The following BSPRY variants were observed in gnomAD, a reference collection of about 807,000 sequenced individuals.
BSPRY encodes the protein B-box and SPRY domain containing.
In BSPRY, 33 loss-of-function variants were observed where a neutral mutation model predicts 38.0. The observed-to-expected ratio is 0.87, with a 90% confidence interval of 0.66 to 1.16. The LOEUF (loss-of-function observed/expected upper bound fraction) is 1.16. Among genes scored for constraint, BSPRY ranks in the 50% most tolerant of loss-of-function variants. The pLI is 0.00. For missense variants in BSPRY, 523 were observed against 533.2 expected (o/e 0.98, Z 0.19); for synonymous variants, 224 against 228.5 (o/e 0.98, Z 0.18).
chr9:113,356,347 A>G lies in BSPRY; in HGVS notation c.300+2009A>G, dbSNP rs1051573831. Among the ~76,000 whole-genome samples the G allele has an allele frequency of 1.5e-4, 23 of 152,248 alleles. No individual in the cohort carries two copies. The East Asian group carries it at 2.3e-3, about 15-fold the overall frequency. On this transcript the variant is annotated intron_variant, in intron 2 of 5. Coordinates refer to ENST00000374183, the MANE Select transcript of BSPRY (RefSeq NM_017688.3). ...GTGAAACCCCGTCTCTACTAAAAAT[A>G]CAAAAAAATTAGCAGGGCATGGTGG... is the stretch of plus-strand genomic sequence containing the variant.
Position 113,354,355 on chromosome 9 carries a change from C to T in BSPRY, c.300+17C>T. 1 of 1,603,166 alleles carries T rather than the reference C, an allele frequency of 6.2e-7. No individual in the cohort carries two copies. The highest frequency in any genetic ancestry group is 1.1e-5 in the South Asian group (1 of 90,820). On this transcript the variant is annotated intron_variant, in intron 2 of 5. Transcript: ENST00000374183. Reference sequence around the variant, plus strand: ...AGAGCAGTGGTAATTCCTCTTCTTTCCTCTCTACTCAGCCCCCTCCCAGGA... The same window carrying T: ...AGAGCAGTGGTAATTCCTCTTCTTTTCTCTCTACTCAGCCCCCTCCCAGGA...
chr9:113,356,170 C>T (rs904255051), intron 2 of BSPRY, among the ~76,000 whole-genome samples: 29 of 152,152 alleles, frequency 1.9e-4, no homozygotes, highest in African/African-American at 5.8e-4. Context: ...GGGAATAGGA[C>T]GGGTTGCAAT....
intron 2 of BSPRY, among the ~76,000 whole-genome samples, chr9:113,358,801 A>G (rs1834103892): frequency 6.6e-6 from 1 of 152,184 alleles, no homozygotes; most frequent in African/African-American, 2.4e-5. Context: ...TTGATCCAGG[A>G]TCACACAGTA....
chr9:113,360,575 C>T lies in BSPRY; in HGVS notation c.369C>T (p.Ser123=), dbSNP rs142413897. The T allele has an allele frequency of 2.0e-5, 32 of 1,608,374 alleles. No individual in the cohort carries two copies. In the South Asian group the frequency reaches 2.9e-4, roughly 15 times the overall value. Residue 123 remains serine (S), a synonymous_variant, in exon 3 of 6, where the codon AGC becomes AGT. Coordinates refer to ENST00000374183, the MANE Select transcript of BSPRY (RefSeq NM_017688.3). ...GTCTGGTGAGGAGTCTTTGCGAGAGCGAGGAGCAGCGGTTACTGGAACAGG... is the reference window on the plus strand; with the variant it reads ...GTCTGGTGAGGAGTCTTTGCGAGAGTGAGGAGCAGCGGTTACTGGAACAGG... ...RLSLVRSLCE[S]EEQRLLEQVH...
At chr9:113,368,774 T>C (rs1564346213) in intron 5 of BSPRY, among the ~76,000 whole-genome samples, 1 of 152,198 alleles carries the variant, frequency 6.6e-6, no homozygotes. Flanking sequence ...GCCTCACTTA[T>C]TCACTTTACA....
rs769168556 is a variant in BSPRY, at chr9:113,354,283, C to T, written c.245C>T (p.Ala82Val). 1.9e-5 allele frequency: 31 copies of T among 1,614,150 alleles called. No individual in the cohort carries two copies. The highest frequency in any genetic ancestry group is 1.7e-4 in the Admixed American group (10 of 60,014). ...TGTGAGAGGCTGCAGTTACAGAGTG[C>T]TGCCATCACCAAGTATGTGGCGGAC... ...DQCERLQLQS[A>V]AITKYVADVL... Residue 82 changes from alanine (A) to valine (V), a missense_variant, in exon 2 of 6, where the codon GCT becomes GTT. Physicochemically the swap from Ala to Val is moderately conservative, Grantham distance 64. Coordinates refer to ENST00000374183, the MANE Select transcript of BSPRY (RefSeq NM_017688.3).
At position 113,368,372 on chromosome 9, in the gene BSPRY, G is replaced by A. The variant is rs1375217807; in HGVS notation, c.671G>A (p.Gly224Glu). 1 of 1,614,062 alleles carries A rather than the reference G, an allele frequency of 6.2e-7. No individual in the cohort carries two copies. The change falls in exon 5 of 6, where the codon GGG (glycine) becomes GAG (glutamate). Residue 224 changes from glycine (G) to glutamate (E), a missense_variant. Physicochemically the swap from Gly to Glu is moderately conservative, Grantham distance 98. Coordinates refer to ENST00000374183, the MANE Select transcript of BSPRY (RefSeq NM_017688.3). Reference sequence around the variant, plus strand: ...CAACTCTGGGCAACGGCGGTTCTTGGGTCTCTCTCAGGTTAGGAGCAGTAG... The same window carrying A: ...CAACTCTGGGCAACGGCGGTTCTTGAGTCTCTCTCAGGTTAGGAGCAGTAG... ...LTQLWATAVL[G>E]SLSGTEDIRI...
chr9:113,361,122 C>G (rs909428507), intron 3 of BSPRY, among the ~76,000 whole-genome samples: 7 of 152,018 alleles, frequency 4.6e-5, no homozygotes, highest in African/African-American at 1.7e-4. Flanking sequence ...TCCCCCTTAC[C>G]CCCAATGTTT....
chr9:113,349,605 G>T lies in BSPRY; in HGVS notation c.26G>T (p.Gly9Val). 1 of 1,189,548 alleles carries T rather than the reference G, an allele frequency of 8.4e-7. No homozygotes were observed. The allele number at this position is 1,189,548 out of a possible 1,614,324, so 73.7% of individuals were successfully genotyped here. A position where few individuals can be genotyped will look rare whatever the true frequency, so the allele number is the denominator to read the frequency against. Residue 9 changes from glycine (G) to valine (V), a missense_variant, in exon 1 of 6, where the codon GGG (glycine) becomes GTG (valine). Physicochemically the swap from Gly to Val is moderately radical, Grantham distance 109. Coordinates refer to ENST00000374183, the MANE Select transcript of BSPRY (RefSeq NM_017688.3). MSAEGAEPGPGSGSGPGPG... is the reference protein window; with the variant it reads MSAEGAEPVPGSGSGPGPG... ...ATGTCCGCCGAGGGCGCGGAGCCGG[G>T]GCCGGGGTCCGGGTCCGGGCCCGGG...
At position 113,361,730 on chromosome 9, in the gene BSPRY, A is replaced by G. The variant is rs567213329; in HGVS notation, c.532-639A>G. ...CCGGGGAGCTGACAAGGTCTTCGAT[A>G]TGAAAACACAGAGCTCATCCTTAAT... On this transcript the variant is annotated intron_variant, in intron 3 of 5. Coordinates refer to ENST00000374183, the MANE Select transcript of BSPRY (RefSeq NM_017688.3). 2.6e-5 allele frequency among the ~76,000 whole-genome samples: 4 copies of G among 152,358 alleles called. No homozygotes were observed. The East Asian group carries it at 7.7e-4, about 29-fold the overall frequency.
chr9:113,355,186 T>C (rs978992363), intron 2 of BSPRY, among the ~76,000 whole-genome samples: 4 of 152,212 alleles, frequency 2.6e-5, no homozygotes, highest in African/African-American at 9.7e-5. Context: ...TTCAGTGGAC[T>C]CATTACCACT....
intron 2 of BSPRY, among the ~76,000 whole-genome samples, 185 bp downstream of exon 2, chr9:113,354,523 T>C (rs1294936911): frequency 6.6e-6 from 1 of 152,170 alleles, no homozygotes. Context: ...TGTACCATAC[T>C]TGGTGCAAAG....
At chr9:113,367,562 G>A (rs1245032287) in intron 4 of BSPRY, among the ~76,000 whole-genome samples, 4 of 152,186 alleles carry the variant, frequency 2.6e-5, no homozygotes, top group African/African-American at 9.7e-5. Context: ...TTCCAGGCAA[G>A]GGCAAGATGT....
intron 1 of BSPRY, among the ~76,000 whole-genome samples, chr9:113,351,718 G>A (rs1359960826): frequency 6.6e-6 from 1 of 152,118 alleles, no homozygotes; most frequent in African/African-American, 2.4e-5. Context: ...CAGGGCCCTG[G>A]CCCATACCTT....
chr9:113,352,480 G>GACACACACACACACACACACACAC (rs139828518), intron 1 of BSPRY, among the ~76,000 whole-genome samples: 18 of 149,780 alleles, frequency 1.2e-4, no homozygotes, highest in Non-Finnish European at 1.9e-4. Flanking sequence ...TGGGGAGTGA[G>GACACACACACACACACACACACAC]ACACACACAC....
In BSPRY at chr9:113,369,801, G is replaced by A. The variant is rs1432722682; in HGVS notation, c.868G>A (p.Val290Met). 1.2e-6 allele frequency: 2 copies of A among 1,614,236 alleles called. No individual in the cohort carries two copies. The highest frequency in any genetic ancestry group is 1.7e-6 in the Non-Finnish European group (2 of 1,180,024). Residue 290 changes from valine (V) to methionine (M), a missense_variant, in exon 6 of 6, where the codon GTG (valine) becomes ATG (methionine). By Grantham distance (21) the Val-to-Met change is conservative. Coordinates refer to ENST00000374183, the MANE Select transcript of BSPRY (RefSeq NM_017688.3). ...SFQNGLHAWM[V>M]NVQNSCAYKV... ...CCAGAATGGGCTCCATGCCTGGATG[G>A]TGAATGTCCAGAACAGTTGTGCCTA...
At chr9:113,369,512 T>G in intron 5 of BSPRY, 104 bp from the exon 6 acceptor site, 1 of 1,210,038 alleles carries the variant, frequency 8.3e-7, no homozygotes, top group Non-Finnish European at 1.2e-6. Flanking sequence ...ATGGCTTATA[T>G]GAGGTCACCA....
intron 4 of BSPRY, among the ~76,000 whole-genome samples, chr9:113,367,744 C>T (rs1269290705): frequency 6.6e-6 from 1 of 152,148 alleles, no homozygotes; most frequent in East Asian, 1.9e-4. Flanking sequence ...TGTCCACCAG[C>T]TTTGCTAAAA....
chr9:113,354,807 T>C (rs1041700178), intron 2 of BSPRY, among the ~76,000 whole-genome samples: 1 of 152,148 alleles, frequency 6.6e-6, no homozygotes, highest in Admixed American at 6.5e-5. Context: ...GTGACCTGGA[T>C]CTTCTGTCTC....
Sources: allele counts gnomAD v4.1 joint callset (sites outside exome capture counted in the v4.1 genomes callset), GRCh38; gene constraint gnomAD v4.1.1; transcripts MANE v1.5; gene names NCBI Gene and HGNC (gene_info 2026-07-23, HGNC 2026-07-21).